Variants in KIAA1958 observed in about 807,000 individuals in gnomAD.
The protein encoded by KIAA1958 is KIAA1958, also known as uncharacterized protein KIAA1958.
KIAA1958 carries 14 observed loss-of-function variants against 47.2 expected under a neutral mutation model. The observed-to-expected ratio is 0.30, with a 90% CI of 0.20 to 0.46. KIAA1958 has a LOEUF of 0.46. Ranked by LOEUF, KIAA1958 falls within the 20% of genes least tolerant of loss-of-function variation. The pLI is 1.00. For missense variants in KIAA1958, 803 were observed against 909.2 expected (o/e 0.88, Z 1.50); for synonymous variants, 354 against 353.3 (o/e 1.00, Z -0.02).
chr9:112,630,597 TA>T (rs1181870857), intron 2 of KIAA1958, among the ~76,000 whole-genome samples: 1 of 152,252 alleles, frequency 6.6e-6, no homozygotes, highest in Non-Finnish European at 1.5e-5. Context: ...ATGTACCATT[TA>T]TTACCTTTAG....
chr9:112,659,730 G>A lies in KIAA1958; in HGVS notation c.1812G>A (p.Glu604=), dbSNP rs766294903. 1 of 1,614,196 alleles carries A rather than the reference G, an allele frequency of 6.2e-7. No individual in the cohort carries two copies. Among genetic ancestry groups the A allele is most frequent in the Non-Finnish European group, 8.5e-7 (1 of 1,180,048 alleles). ...CCCGGACGGACAGCGTCAAGCGGGA[G>A]AGTCGGAGCGGCTCCACCAGAGTGT... is the stretch of plus-strand genomic sequence containing the variant. ...YFARTDSVKR[E]SRSGSTRVCH... The change falls in exon 4 of 4, where the codon GAG becomes GAA. Residue 604 remains glutamate, a synonymous_variant. Transcript: ENST00000337530.
intron 1 of KIAA1958, among the ~76,000 whole-genome samples, chr9:112,535,459 C>G (rs181578338): frequency 3.3e-5 from 5 of 151,996 alleles, no homozygotes; most frequent in African/African-American, 1.2e-4. Context: ...TATAAATATA[C>G]CATTTTTTTT....
intron 1 of KIAA1958, among the ~76,000 whole-genome samples, chr9:112,505,912 T>C (rs1240937623): frequency 6.6e-6 from 1 of 152,132 alleles, no homozygotes; most frequent in East Asian, 1.9e-4. Flanking sequence ...CAAACAGCAG[T>C]GAGGGGGGAT....
In KIAA1958 at chr9:112,645,723, A is replaced by C; in HGVS notation, c.1245A>C (p.Ala415=). The change falls in exon 3 of 4, where the codon GCA becomes GCC. Residue 415 remains alanine (A), a synonymous_variant. Coordinates refer to ENST00000337530, the MANE Select transcript of KIAA1958 (RefSeq NM_133465.4). ...NDDLNDLCTS[A]VSPNTTKATR... ...ACTTGAATGATCTGTGTACCAGTGC[A>C]GTAAGCCCAAATACTACCAAAGCCA... is the stretch of plus-strand genomic sequence containing the variant. The C allele has an allele frequency of 6.2e-7, 1 of 1,614,008 alleles. No individual in the cohort carries two copies. Among genetic ancestry groups the C allele is most frequent in the Non-Finnish European group, 8.5e-7 (1 of 1,179,878 alleles).
rs114439841 is a variant in KIAA1958, at chr9:112,616,954, C to T, written c.1172-28696C>T. Among the ~76,000 whole-genome samples, 555 of 152,324 alleles carry T rather than the reference C, an allele frequency of 3.6e-3. 2 individuals are homozygous for T. The highest frequency in any genetic ancestry group is 0.012 in the African/African-American group (479 of 41,578). On this transcript the variant is annotated intron_variant, in intron 2 of 3. Coordinates refer to ENST00000337530, the MANE Select transcript of KIAA1958 (RefSeq NM_133465.4). ...ATGCTGGTTAAGATACAGATTCCTA[C>T]ACCTGCTACGTGGTAATCTGCATTT...
intron 2 of KIAA1958, among the ~76,000 whole-genome samples, chr9:112,621,393 T>C (rs1196781397): frequency 6.6e-6 from 1 of 152,228 alleles, no homozygotes; most frequent in Non-Finnish European, 1.5e-5. Context: ...AATGTTATGG[T>C]GCATTTAATT....
chr9:112,649,919 T>C (rs1837031346), intron 3 of KIAA1958, among the ~76,000 whole-genome samples: 3 of 152,132 alleles, frequency 2.0e-5, no homozygotes, highest in Admixed American at 2.0e-4. Context: ...GAATGAAGAT[T>C]ACTGGAAATG....
At chr9:112,549,249 GA>G in intron 1 of KIAA1958, among the ~76,000 whole-genome samples, 1 of 152,160 alleles carries the variant, frequency 6.6e-6, no homozygotes, top group East Asian at 1.9e-4. Flanking sequence ...TGGCATTGTG[GA>G]AAAGGACTGT....
intron 2 of KIAA1958, among the ~76,000 whole-genome samples, chr9:112,641,374 C>T (rs1440121990): frequency 8.4e-5 from 8 of 95,206 alleles, no homozygotes; most frequent in African/African-American, 1.2e-4. Context: ...GATGAGAAAT[C>T]TGATTCTTCT....
At chr9:112,597,403 C>T (rs1836050273) in intron 2 of KIAA1958, among the ~76,000 whole-genome samples, 1 of 152,176 alleles carries the variant, frequency 6.6e-6, no homozygotes, top group Admixed American at 6.5e-5. Flanking sequence ...GGAGGTCACA[C>T]AGTAAGAAGC....
intron 1 of KIAA1958, among the ~76,000 whole-genome samples, chr9:112,568,292 C>T (rs1384353663): frequency 3.3e-5 from 5 of 152,096 alleles, no homozygotes. Context: ...CCATCAAAAC[C>T]GTGATGGGTC....
Position 112,575,003 on chromosome 9 carries a change from T to A in KIAA1958, c.923T>A (p.Met308Lys). The A allele has an allele frequency of 6.2e-7, 1 of 1,614,174 alleles. No individual in the cohort carries two copies. Among genetic ancestry groups the A allele is most frequent in the Non-Finnish European group, 8.5e-7 (1 of 1,180,026 alleles). The change falls in exon 2 of 4, where the codon ATG becomes AAG. Residue 308 changes from methionine to lysine, a missense_variant. Met to Lys is a moderately conservative substitution (Grantham distance 95). Around this residue, in one of 2 missense-constraint regions of KIAA1958, gnomAD observed 761 missense variants for 829.3 expected, o/e 0.92. Transcript: ENST00000337530. ...CATGGCACCAACCAACAGGTGGCCATGCAAATGCCTGTGAGCACATCCCAT... is the reference window on the plus strand; with the variant it reads ...CATGGCACCAACCAACAGGTGGCCAAGCAAATGCCTGTGAGCACATCCCAT... ...GTHGTNQQVAMQMPVSTSHPN... is the reference protein window; with the variant it reads ...GTHGTNQQVAKQMPVSTSHPN...
At chr9:112,612,854 A>AC (rs1270294990) in intron 2 of KIAA1958, among the ~76,000 whole-genome samples, 11 of 152,200 alleles carry the variant, frequency 7.2e-5, no homozygotes, top group African/African-American at 2.2e-4. Context: ...ACAGGATGCA[A>AC]ATAATGGAAA....
intron 2 of KIAA1958, among the ~76,000 whole-genome samples, chr9:112,637,538 C>T (rs1302470079): frequency 2.0e-5 from 3 of 151,936 alleles, no homozygotes; most frequent in Non-Finnish European, 4.4e-5. Flanking sequence ...TGACCACGCC[C>T]GGCAGATTTT....
intron 1 of KIAA1958, among the ~76,000 whole-genome samples, chr9:112,498,655 A>C (rs1834084223): frequency 6.6e-6 from 1 of 152,306 alleles, no homozygotes; most frequent in Admixed American, 6.5e-5. Context: ...GAATGATTCT[A>C]CGTGTTTTTG....
chr9:112,601,381 G>A (rs753995065), intron 2 of KIAA1958, among the ~76,000 whole-genome samples: 1 of 152,162 alleles, frequency 6.6e-6, no homozygotes, highest in South Asian at 2.1e-4. Context: ...TGCTATTCCA[G>A]CAGTGTGGCA....
rs565746936 is a variant in KIAA1958 at position 112,638,141 on chromosome 9, T to C, written c.1172-7509T>C. Among the ~76,000 whole-genome samples, 468 of 152,104 alleles carry C rather than the reference T, an allele frequency of 3.1e-3. 9 individuals are homozygous for C. The highest frequency in any genetic ancestry group is 4.0e-3 in the Non-Finnish European group (271 of 67,968). On this transcript the variant is annotated intron_variant, in intron 2 of 3. Coordinates refer to ENST00000337530, the MANE Select transcript of KIAA1958 (RefSeq NM_133465.4). ...TCCAGCCTGGGCAACAGCGAGAGAC[T>C]CCATCTCAAAAAAATAAACAAAAAA...
chr9:112,525,989 TCTTCTTCTTC>T (rs1834640252), intron 1 of KIAA1958, among the ~76,000 whole-genome samples: 13 of 4,088 alleles, frequency 3.2e-3, no homozygotes, highest in African/African-American at 3.7e-3. Context: ...TTCTTCTTCT[TCTTCTTCTTC>T]TTTTTTTTTT....
At chr9:112,585,383 C>T (rs1028971695) in intron 2 of KIAA1958, among the ~76,000 whole-genome samples, 4 of 152,156 alleles carry the variant, frequency 2.6e-5, no homozygotes, top group African/African-American at 9.7e-5. Context: ...GAAGGAATAA[C>T]GTGAGCAAAG....
Sources: allele counts gnomAD v4.1 joint callset (sites outside exome capture counted in the v4.1 genomes callset), GRCh38; gene constraint gnomAD v4.1.1; regional missense constraint gnomAD v4.1.1; transcripts MANE v1.5; gene names NCBI Gene and HGNC (gene_info 2026-07-23, HGNC 2026-07-21).